The following DPH6 variants were observed in gnomAD, a reference collection of about 807,000 sequenced individuals.
DPH6 encodes the protein diphthine--ammonia ligase.
Under a neutral mutation model 38.2 loss-of-function variants are expected in DPH6, and 33 were observed. The observed-to-expected ratio is 0.86, with a 90% CI of 0.65 to 1.15. The LOEUF (loss-of-function observed/expected upper bound fraction) is 1.15, where lower values mean the gene tolerates loss of function less well. Ranked by LOEUF, DPH6 falls within the 50% of genes most tolerant of loss-of-function variation. DPH6 has a pLI of 0.00. For synonymous variants in DPH6, 108 were observed against 103.0 expected (o/e 1.05, Z -0.30); for missense variants, 325 against 320.0 (o/e 1.02, Z -0.12).
At chr15:35,339,404 A>C (rs973685184) in intron 3 of DPH6, among the ~76,000 whole-genome samples, 1 of 151,866 alleles carries the variant, frequency 6.6e-6, no homozygotes, top group Non-Finnish European at 1.5e-5. Context: ...GACTCACTGC[A>C]ACCTCTGCCT....
the DPH6 span, among the ~76,000 whole-genome samples, chr15:35,186,245 A>C: frequency 0.043 from 6,528 of 152,194 alleles, 172 homozygotes; most frequent in African/African-American, 0.078. Context: ...TATATCTTCA[A>C]AGAAAACCTG....
exon 4 of DPH6, chr15:35,219,918 T>C (rs1273059125): frequency 6.6e-6 from 1 of 152,226 alleles, no homozygotes; most frequent in East Asian, 1.9e-4. Flanking sequence ...ATTCAAGTAG[T>C]TAAATCAAGT....
At chr15:35,338,839 A>C (rs2052396826) in intron 3 of DPH6, among the ~76,000 whole-genome samples, 1 of 152,246 alleles carries the variant, frequency 6.6e-6, no homozygotes, top group Non-Finnish European at 1.5e-5. Flanking sequence ...ACACCATGGA[A>C]TACTATGCAG....
intron 3 of DPH6, among the ~76,000 whole-genome samples, chr15:35,271,883 T>C (rs1341347325): frequency 6.6e-6 from 1 of 152,218 alleles, no homozygotes; most frequent in Non-Finnish European, 1.5e-5. Flanking sequence ...GGGCATGAAC[T>C]CTATAACCAC....
At chr15:35,367,046 G>C (rs2052667370), downstream of DPH6, among the ~76,000 whole-genome samples, 1 of 151,806 alleles carries the variant, frequency 6.6e-6, no homozygotes, top group Non-Finnish European at 1.5e-5. Flanking sequence ...AAAATAAAAT[G>C]AAAGAGCCAA....
intron 5 of DPH6, among the ~76,000 whole-genome samples, chr15:35,449,020 C>T (rs2053894763): frequency 7.1e-6 from 1 of 141,744 alleles, no homozygotes; most frequent in Non-Finnish European, 1.5e-5. Flanking sequence ...AAAAAAGTCC[C>T]TTTTTTTTGG....
chr15:35,343,984 G>A (rs1595490332), intron 3 of DPH6, among the ~76,000 whole-genome samples: 1 of 151,990 alleles, frequency 6.6e-6, no homozygotes, highest in South Asian at 2.1e-4. Context: ...TAAACTGATT[G>A]ATCTAGGTTT....
At chr15:35,378,332 T>C (rs1426865691) in intron 7 of DPH6, among the ~76,000 whole-genome samples, 1 of 152,160 alleles carries the variant, frequency 6.6e-6, no homozygotes, top group East Asian at 1.9e-4. Flanking sequence ...AAACAACACA[T>C]GCTGGAGAGG....
chr15:35,398,026 T>C (rs2053168690), intron 6 of DPH6, among the ~76,000 whole-genome samples: 1 of 152,118 alleles, frequency 6.6e-6, no homozygotes, highest in Non-Finnish European at 1.5e-5. Flanking sequence ...CTTTGGAATA[T>C]GAACAGCTCA....
chr15:35,511,659 C>G (rs1244992830), intron 3 of DPH6, among the ~76,000 whole-genome samples: 4 of 151,884 alleles, frequency 2.6e-5, no homozygotes, highest in African/African-American at 9.7e-5. Context: ...GGTGTAATAG[C>G]AGCGTTTTCA....
At chr15:35,494,784 A>AT (rs962496009) in intron 3 of DPH6, among the ~76,000 whole-genome samples, 212 of 150,654 alleles carry the variant, frequency 1.4e-3, no homozygotes, top group Non-Finnish European at 2.4e-3. Context: ...TCCACTCATG[A>AT]TTTTTTTTTT....
At chr15:35,471,704 C>A (rs1377886042) in intron 3 of DPH6, among the ~76,000 whole-genome samples, 1 of 152,174 alleles carries the variant, frequency 6.6e-6, no homozygotes, top group Non-Finnish European at 1.5e-5. Context: ...CTACTGTAAT[C>A]CTACTCATTC....
the DPH6 span, among the ~76,000 whole-genome samples, chr15:35,164,541 A>C: frequency 2.6e-5 from 4 of 151,622 alleles, no homozygotes; most frequent in Non-Finnish European, 4.4e-5. Context: ...TTTATTTTTT[A>C]ATGTATTCAT....
At chr15:35,405,002 CT>C (rs2053272426) in intron 6 of DPH6, among the ~76,000 whole-genome samples, 1 of 151,996 alleles carries the variant, frequency 6.6e-6, no homozygotes, top group African/African-American at 2.4e-5. Flanking sequence ...AATGTATGTT[CT>C]TGGCATCTTT....
chr15:35,475,172 G>A (rs2054249230), intron 3 of DPH6, among the ~76,000 whole-genome samples: 1 of 151,946 alleles, frequency 6.6e-6, no homozygotes, highest in Non-Finnish European at 1.5e-5. Context: ...AGAGAGGAAG[G>A]AGAGTAAGAG....
chr15:35,458,999 A>G (rs1023391154), intron 3 of DPH6, among the ~76,000 whole-genome samples: 1 of 152,226 alleles, frequency 6.6e-6, no homozygotes, highest in Non-Finnish European at 1.5e-5. Flanking sequence ...TCTACCTTAA[A>G]TGACTATTAA....
chr15:35,419,670 G>A (rs1341111830), intron 5 of DPH6, among the ~76,000 whole-genome samples: 1 of 152,064 alleles, frequency 6.6e-6, no homozygotes, highest in African/African-American at 2.4e-5. Flanking sequence ...GACAGAATAG[G>A]TTTTAGGTCG....
chr15:35,486,023 T>C (rs1440000649), intron 3 of DPH6, among the ~76,000 whole-genome samples: 1 of 152,200 alleles, frequency 6.6e-6, no homozygotes, highest in African/African-American at 2.4e-5. Context: ...TCCATTCTCA[T>C]GCTGCTATAA....
intron 1 of DPH6, among the ~76,000 whole-genome samples, chr15:35,543,464 T>C (rs751018390): frequency 6.6e-5 from 10 of 151,878 alleles, no homozygotes; most frequent in Non-Finnish European, 1.3e-4. Flanking sequence ...TATGCTATTG[T>C]AATTTAATAT....
Sources: gnomAD v4.1 joint callset for allele counts (sites outside exome capture counted in the v4.1 genomes callset) on GRCh38, gnomAD v4.1.1 for gene constraint, MANE v1.5 for transcripts, NCBI Gene and HGNC (gene_info 2026-07-23, HGNC 2026-07-21) for gene names.